The following RAP1GDS1 variants were observed in gnomAD, a reference collection of about 807,000 sequenced individuals.
The protein encoded by RAP1GDS1 is RAP1, GTP-GDP dissociation stimulator 1.
In RAP1GDS1, 35 loss-of-function variants were observed where a neutral mutation model predicts 71.1. That is an observed-to-expected ratio of 0.49 (90% CI 0.38 to 0.65). The LOEUF is 0.65. Among genes scored for constraint, RAP1GDS1 ranks in the 30% least tolerant of loss-of-function variants. The probability of loss-of-function intolerance (pLI) is 0.00; values close to 1 mark genes in which losing one functional copy is unlikely to be tolerated. For missense variants in RAP1GDS1, 663 were observed against 706.1 expected (o/e 0.94, Z 0.69); for synonymous variants, 229 against 243.1 (o/e 0.94, Z 0.54).
intron 1 of RAP1GDS1, among the ~76,000 whole-genome samples, chr4:98,292,574 A>G (rs1727126582): frequency 6.8e-6 from 1 of 146,568 alleles, no homozygotes; most frequent in Admixed American, 6.8e-5. Context: ...TAAAAGAAAA[A>G]AAAAAAACAA....
At position 98,383,598 on chromosome 4, in the gene RAP1GDS1, G is replaced by A. The variant is rs1742318215; in HGVS notation, c.508+4435G>A. Among the ~76,000 whole-genome samples, 3 of 151,462 alleles carry A rather than the reference G, an allele frequency of 2.0e-5. No homozygotes were observed. The South Asian group carries it at 6.2e-4, about 31-fold the overall frequency. ...GATAATTAAGCTATGGTTGAAGGGA[G>A]GCCATGTATGTAATTTAGGAAGTGT... On this transcript the variant is annotated intron_variant, in intron 5 of 14. Coordinates refer to ENST00000408927, the MANE Select transcript of RAP1GDS1 (RefSeq NM_001100427.2).
intron 6 of RAP1GDS1, among the ~76,000 whole-genome samples, chr4:98,394,045 C>T (rs1744147692): frequency 6.6e-6 from 1 of 152,048 alleles, no homozygotes; most frequent in Non-Finnish European, 1.5e-5. Context: ...TAGGAGAGTA[C>T]ATAGAAGAAA....
chr4:98,390,070 T>C (rs1743373896), intron 5 of RAP1GDS1, among the ~76,000 whole-genome samples: 1 of 152,118 alleles, frequency 6.6e-6, no homozygotes, highest in Non-Finnish European at 1.5e-5. Flanking sequence ...TGAAAATGAA[T>C]ACATATATAA....
At chr4:98,312,993 TG>T (rs914982682) in intron 2 of RAP1GDS1, among the ~76,000 whole-genome samples, 1 of 137,368 alleles carries the variant, frequency 7.3e-6, no homozygotes, top group African/African-American at 2.8e-5. Context: ...GGCATGAACT[TG>T]GGAGGTGGAA....
chr4:98,399,014 T>C (rs1403897278), intron 6 of RAP1GDS1, among the ~76,000 whole-genome samples: 1 of 152,148 alleles, frequency 6.6e-6, no homozygotes, highest in African/African-American at 2.4e-5. Flanking sequence ...ATCTGCAGAT[T>C]CAATGCAATC....
In RAP1GDS1 at chr4:98,370,550, A is replaced by T. The variant is rs538141483; in HGVS notation, c.362-8467A>T. On this transcript the variant is annotated intron_variant, in intron 4 of 14. Transcript: ENST00000408927. ...TCTCTATGCTTCTGTAACACACCAT[A>T]AAAAAATTGCATTAAAGCTTTTTTT... is the stretch of plus-strand genomic sequence containing the variant. Among the ~76,000 whole-genome samples the T allele has an allele frequency of 3.7e-3, 558 of 151,632 alleles. 1 individual carries two copies. Among genetic ancestry groups the T allele is most frequent in the African/African-American group, 0.013 (531 of 41,380 alleles).
intron 12 of RAP1GDS1, among the ~76,000 whole-genome samples, chr4:98,423,215 G>A (rs2110197364): frequency 6.6e-6 from 1 of 152,296 alleles, no homozygotes; most frequent in South Asian, 2.1e-4. Flanking sequence ...TGCTATTTTA[G>A]GCGTTAACTA....
chr4:98,382,276 A>G (rs1023169893), intron 5 of RAP1GDS1, among the ~76,000 whole-genome samples: 6 of 151,712 alleles, frequency 4.0e-5, no homozygotes, highest in Non-Finnish European at 7.4e-5. Context: ...AAGAAGTTGT[A>G]TCAATAATGC....
At chr4:98,387,133 T>TTA (rs1742886413) in intron 5 of RAP1GDS1, among the ~76,000 whole-genome samples, 2 of 152,228 alleles carry the variant, frequency 1.3e-5, no homozygotes, top group African/African-American at 4.8e-5. Context: ...ATACTGTGAA[T>TTA]AATATATCTA....
intron 2 of RAP1GDS1, among the ~76,000 whole-genome samples, chr4:98,332,847 A>G (rs1734190902): frequency 6.6e-6 from 1 of 152,176 alleles, no homozygotes; most frequent in African/African-American, 2.4e-5. Context: ...TCAAAGCTCA[A>G]TCTTTAGAAA....
intron 3 of RAP1GDS1, among the ~76,000 whole-genome samples, chr4:98,351,859 A>G (rs1737250449): frequency 6.6e-6 from 1 of 152,098 alleles, no homozygotes; most frequent in South Asian, 2.1e-4. Flanking sequence ...TGGGTATAGC[A>G]GCAGATATGA....
intron 2 of RAP1GDS1, among the ~76,000 whole-genome samples, chr4:98,331,749 G>A (rs1734047186): frequency 6.6e-6 from 1 of 152,008 alleles, no homozygotes; most frequent in East Asian, 1.9e-4. Flanking sequence ...GAGCCCAGTG[G>A]GGAAATCCCA....
At chr4:98,411,213 A>G (rs1747019811) in intron 7 of RAP1GDS1, among the ~76,000 whole-genome samples, 1 of 152,260 alleles carries the variant, frequency 6.6e-6, no homozygotes, top group Admixed American at 6.5e-5. Context: ...CTGCTTTGGC[A>G]GAATGTCTTG....
chr4:98,349,707 G>T (rs112869015), intron 3 of RAP1GDS1, among the ~76,000 whole-genome samples: 2 of 152,062 alleles, frequency 1.3e-5, no homozygotes, highest in Non-Finnish European at 2.9e-5. Context: ...GGATTCCTAG[G>T]TATTTTATTC....
At chr4:98,377,316 A>C (rs1010908959) in intron 4 of RAP1GDS1, among the ~76,000 whole-genome samples, 1 of 151,922 alleles carries the variant, frequency 6.6e-6, no homozygotes, top group African/African-American at 2.4e-5. Context: ...GTTTTCTGAG[A>C]CATCATCCAC....
intron 4 of RAP1GDS1, among the ~76,000 whole-genome samples, chr4:98,362,212 G>T (rs780109450): frequency 2.0e-5 from 3 of 152,126 alleles, no homozygotes; most frequent in Non-Finnish European, 4.4e-5. Flanking sequence ...GCATGTGGTG[G>T]CTCACAGCTG....
chr4:98,348,370 T>A (rs982680953), intron 3 of RAP1GDS1, among the ~76,000 whole-genome samples: 1 of 152,244 alleles, frequency 6.6e-6, no homozygotes, highest in African/African-American at 2.4e-5. Context: ...CTATCATTGA[T>A]GGGCATTTGG....
chr4:98,391,442 A>G (rs1022902746), intron 5 of RAP1GDS1, among the ~76,000 whole-genome samples: 2 of 152,164 alleles, frequency 1.3e-5, no homozygotes, highest in African/African-American at 2.4e-5. Flanking sequence ...GCAAATATTC[A>G]GAACCAATCA....
intron 2 of RAP1GDS1, among the ~76,000 whole-genome samples, chr4:98,305,848 A>G (rs1321761328): frequency 6.6e-6 from 1 of 152,190 alleles, no homozygotes. Flanking sequence ...AGTTTGCTAC[A>G]TTTGAAAAAC....
Sources: gnomAD v4.1 joint callset for allele counts (sites outside exome capture counted in the v4.1 genomes callset) on GRCh38, gnomAD v4.1.1 for gene constraint, MANE v1.5 for transcripts, NCBI Gene and HGNC (gene_info 2026-07-23, HGNC 2026-07-21) for gene names.